UST: variants seen among roughly 807,000 people sequenced by gnomAD.
UST encodes the protein chondroitin sulfate 2-O-sulfotransferase.
UST carries 21 observed loss-of-function variants against 45.6 expected under a neutral mutation model. The observed-to-expected ratio is 0.46, with a 90% CI of 0.33 to 0.66. The LOEUF (loss-of-function observed/expected upper bound fraction) is 0.66. Ranked by LOEUF, UST falls within the 30% of genes least tolerant of loss-of-function variation. UST has a pLI of 0.02. For missense variants in UST, 463 were observed against 512.4 expected (o/e 0.90, Z 0.93); for synonymous variants, 215 against 200.6 (o/e 1.07, Z -0.61).
intron 2 of UST, among the ~76,000 whole-genome samples, chr6:148,906,865 T>C (rs565859944): frequency 1.3e-5 from 2 of 152,282 alleles, no homozygotes; most frequent in Admixed American, 1.3e-4. Flanking sequence ...TGGCATGGTA[T>C]GAGTTAGTGG....
chr6:148,761,099 G>GTGT (rs1466642140), intron 1 of UST, among the ~76,000 whole-genome samples: 1 of 152,202 alleles, frequency 6.6e-6, no homozygotes, highest in Non-Finnish European at 1.5e-5. Context: ...TTTTCTGAGG[G>GTGT]TGTTAGCAGG....
rs192681302 is a variant in UST at position 148,764,189 on chromosome 6, C to A, written c.247+16512C>A. ...TTTTTTTAATCAATGTTTTATAATT[C>A]TTGTGGAGATTTTTCACCTCCTTGG... On this transcript the variant is annotated intron_variant, in intron 1 of 7. Transcript: ENST00000367463. Among the ~76,000 whole-genome samples the A allele has an allele frequency of 1.7e-3, 259 of 151,890 alleles. 1 individual carries two copies. Among genetic ancestry groups the A allele is most frequent in the African/African-American group, 5.6e-3 (230 of 41,424 alleles).
intron 3 of UST, among the ~76,000 whole-genome samples, chr6:148,946,840 A>C (rs1780249932): frequency 7.3e-6 from 1 of 136,218 alleles, no homozygotes; most frequent in Non-Finnish European, 1.6e-5. Context: ...AAAAAAAAAA[A>C]AAGGTGCACT....
At chr6:148,819,377 C>A (rs1017955908) in intron 1 of UST, among the ~76,000 whole-genome samples, 1 of 152,150 alleles carries the variant, frequency 6.6e-6, no homozygotes, top group African/African-American at 2.4e-5. Context: ...TGTGTGGTTA[C>A]CCTGGGGTCA....
chr6:149,042,975 CT>C (rs770747550), intron 7 of UST, among the ~76,000 whole-genome samples: 3 of 112,128 alleles, frequency 2.7e-5, no homozygotes. Flanking sequence ...TTCTTTCTTT[CT>C]TTCTTTCTTT....
chr6:148,769,024 G>T (rs1490938794), intron 1 of UST, among the ~76,000 whole-genome samples: 2 of 152,230 alleles, frequency 1.3e-5, no homozygotes, highest in African/African-American at 4.8e-5. Flanking sequence ...ACCTCTGTTG[G>T]CCTGGATTGC....
intron 4 of UST, among the ~76,000 whole-genome samples, chr6:148,961,939 G>T (rs1294974636): frequency 6.6e-6 from 1 of 152,152 alleles, no homozygotes; most frequent in East Asian, 1.9e-4. Context: ...CTATGCTCTG[G>T]TCCCTGATGG....
At chr6:148,856,885 AT>A (rs1258429734) in intron 1 of UST, among the ~76,000 whole-genome samples, 1 of 151,706 alleles carries the variant, frequency 6.6e-6, no homozygotes, top group Non-Finnish European at 1.5e-5. Flanking sequence ...CAGAGATAAC[AT>A]TTTAGAATAA....
chr6:148,870,947 T>A (rs1778537678), intron 1 of UST, among the ~76,000 whole-genome samples: 1 of 152,216 alleles, frequency 6.6e-6, no homozygotes, highest in Admixed American at 6.5e-5. Flanking sequence ...GGGACAGTGC[T>A]ATGGACTCAA....
intron 1 of UST, 70 bp from the exon 2 acceptor site, chr6:148,886,916 C>A: frequency 7.7e-7 from 1 of 1,293,888 alleles, no homozygotes; most frequent in Non-Finnish European, 1.1e-6. Context: ...TGCTTATCTT[C>A]AATAACTTTG....
At chr6:149,050,323 T>A (rs1776464841) in intron 7 of UST, among the ~76,000 whole-genome samples, 1 of 152,230 alleles carries the variant, frequency 6.6e-6, no homozygotes, top group Non-Finnish European at 1.5e-5. Flanking sequence ...GCAAATCGGA[T>A]GGGGACTCAT....
chr6:148,783,994 C>T (rs1160241046), intron 1 of UST, among the ~76,000 whole-genome samples: 2 of 152,226 alleles, frequency 1.3e-5, no homozygotes, highest in African/African-American at 2.4e-5. Flanking sequence ...ACTGCTTTCT[C>T]TGCCTATGAG....
At chr6:148,989,219 ACCCC>A (rs1345904773) in intron 5 of UST, among the ~76,000 whole-genome samples, 7 of 67,890 alleles carry the variant, frequency 1.0e-4, no homozygotes, top group South Asian at 2.1e-3. Context: ...GCCCCCCCCC[ACCCC>A]CCGCAAATGA....
At chr6:148,814,298 T>C (rs1358396916) in intron 1 of UST, among the ~76,000 whole-genome samples, 3 of 152,166 alleles carry the variant, frequency 2.0e-5, no homozygotes, top group Admixed American at 6.5e-5. Flanking sequence ...CCTAACTGTG[T>C]GGGTGGTCCT....
chr6:148,911,130 G>A (rs376340544), intron 2 of UST, among the ~76,000 whole-genome samples: 1 of 152,128 alleles, frequency 6.6e-6, no homozygotes, highest in African/African-American at 2.4e-5. Flanking sequence ...GGCACCTCTA[G>A]CCCTTTTTTC....
intron 1 of UST, among the ~76,000 whole-genome samples, chr6:148,818,621 C>G (rs1241776178): frequency 1.3e-5 from 2 of 152,094 alleles, no homozygotes; most frequent in Non-Finnish European, 2.9e-5. Context: ...GGGGCAAATT[C>G]TATGATGGTA....
intron 1 of UST, among the ~76,000 whole-genome samples, chr6:148,783,181 A>G (rs977152937): frequency 1.3e-5 from 2 of 152,244 alleles, no homozygotes; most frequent in Non-Finnish European, 1.5e-5. Context: ...TTAAGCATTT[A>G]CAATTTTTAT....
chr6:148,747,347 C>T lies in UST; in HGVS notation c.-84C>T. The T allele has an allele frequency of 1.5e-6, 2 of 1,349,602 alleles. No homozygotes were observed. Among genetic ancestry groups the T allele is most frequent in the Non-Finnish European group, 1.9e-6 (2 of 1,046,866 alleles). 83.6% of individuals were successfully genotyped at this position (1,349,602 alleles called of 1,614,324 possible). ...TCCGCGCGGCCCTCCCCATGTGCAG[C>T]CGGCCAGCCGGGCTCTCCTCCTCGC... On this transcript the variant is annotated 5_prime_UTR_variant, in exon 1 of 8. Transcript: ENST00000367463.
chr6:148,770,391 G>A (rs1274940027), intron 1 of UST, among the ~76,000 whole-genome samples: 3 of 151,096 alleles, frequency 2.0e-5, no homozygotes, highest in South Asian at 2.1e-4. Context: ...GCAAAATTGT[G>A]GCATTTTTGG....
Sources: gnomAD v4.1 joint callset for allele counts (sites outside exome capture counted in the v4.1 genomes callset) on GRCh38, gnomAD v4.1.1 for gene constraint, MANE v1.5 for transcripts, NCBI Gene and HGNC (gene_info 2026-07-23, HGNC 2026-07-21) for gene names.